RIT2: variants seen among roughly 807,000 people sequenced by gnomAD.
The protein encoded by RIT2 is GTP-binding protein Rit2.
In RIT2, 24 loss-of-function variants were observed where a neutral mutation model predicts 23.7. The ratio of observed to expected loss-of-function variants is 1.01; its 90% CI spans 0.73 to 1.43. RIT2 has a LOEUF of 1.43. RIT2 is among the 40% of genes most tolerant of loss of function. The pLI, the probability that RIT2 is intolerant of heterozygous loss-of-function variation, is 0.00. For synonymous variants in RIT2, 107 were observed against 91.1 expected, an observed-to-expected ratio of 1.17 and a Z score of -0.99; for missense variants, 236 against 266.9, an observed-to-expected ratio of 0.88 and a Z score of 0.81.
intron 3 of RIT2, among the ~76,000 whole-genome samples, chr18:42,944,074 T>A (rs1909667698): frequency 6.6e-6 from 1 of 152,130 alleles, no homozygotes; most frequent in South Asian, 2.1e-4. Flanking sequence ...GTAAGCCACG[T>A]CACGTCCCTT....
At position 43,008,873 on chromosome 18, in the gene RIT2, AT is replaced by A. The variant is rs1911285132; in HGVS notation, c.160+24937del. ...CAATAAATACACAAAAGATTCAGAAATTTTTATTTTCTAGCTATAGCCTCTG... is the reference window on the plus strand; with the variant it reads ...CAATAAATACACAAAAGATTCAGAAATTTTATTTTCTAGCTATAGCCTCTG... On this transcript the variant is annotated intron_variant, in intron 2 of 4. Coordinates refer to ENST00000326695, the MANE Select transcript of RIT2 (RefSeq NM_002930.4). 2.6e-5 allele frequency among the ~76,000 whole-genome samples: 4 copies of A among 151,762 alleles called. No individual in the cohort carries two copies. In the South Asian group the frequency reaches 8.3e-4, roughly 31 times the overall value.
At chr18:42,980,687 C>T (rs1277968700) in intron 2 of RIT2, among the ~76,000 whole-genome samples, 1 of 152,104 alleles carries the variant, frequency 6.6e-6, no homozygotes, top group Non-Finnish European at 1.5e-5. Context: ...TTGCCAAGAA[C>T]AGAAAACCCA....
intron 2 of RIT2, among the ~76,000 whole-genome samples, chr18:43,024,776 TAA>T (rs1442876191): frequency 4.7e-5 from 7 of 149,728 alleles, no homozygotes; most frequent in Non-Finnish European, 1.0e-4. Flanking sequence ...GCAAAGAACA[TAA>T]AAAGACTTTT....
At chr18:43,104,156 A>G (rs1452151648) in intron 1 of RIT2, among the ~76,000 whole-genome samples, 3 of 152,222 alleles carry the variant, frequency 2.0e-5, no homozygotes, top group Admixed American at 2.0e-4. Flanking sequence ...AACCTGGAGG[A>G]CATAACGTTA....
intron 3 of RIT2, among the ~76,000 whole-genome samples, chr18:42,930,620 G>A (rs924420426): frequency 1.3e-5 from 2 of 152,036 alleles, no homozygotes; most frequent in Non-Finnish European, 2.9e-5. Flanking sequence ...TAATGACAGA[G>A]ATCAGCTGAT....
chr18:43,038,605 T>A (rs1912047958), intron 1 of RIT2, among the ~76,000 whole-genome samples: 1 of 152,158 alleles, frequency 6.6e-6, no homozygotes, highest in Admixed American at 6.5e-5. Context: ...ATATCTTCTT[T>A]AAGTTATTTC....
intron 4 of RIT2, among the ~76,000 whole-genome samples, chr18:42,798,191 A>G (rs1206801916): frequency 1.3e-5 from 2 of 152,224 alleles, no homozygotes; most frequent in Non-Finnish European, 2.9e-5. Context: ...TTCAAAATTC[A>G]TCATTAAGTA....
At chr18:42,992,033 G>T (rs973363990) in intron 2 of RIT2, among the ~76,000 whole-genome samples, 1 of 150,768 alleles carries the variant, frequency 6.6e-6, no homozygotes, top group East Asian at 2.0e-4. Flanking sequence ...TTATTTCCAC[G>T]CCTCAACCCC....
intron 4 of RIT2, among the ~76,000 whole-genome samples, chr18:42,844,916 G>A (rs1033646758): frequency 2.0e-4 from 30 of 152,098 alleles, no homozygotes; most frequent in African/African-American, 7.2e-4. Flanking sequence ...CAAGAAATAT[G>A]TGATTATTAA....
chr18:42,945,774 C>T (rs1296930220), intron 3 of RIT2, among the ~76,000 whole-genome samples: 2 of 151,944 alleles, frequency 1.3e-5, no homozygotes, highest in Non-Finnish European at 1.5e-5. Flanking sequence ...CTTTTATTTA[C>T]GAGATGTGCA....
At chr18:42,856,059 A>G (rs1340620367) in intron 4 of RIT2, among the ~76,000 whole-genome samples, 1 of 152,216 alleles carries the variant, frequency 6.6e-6, no homozygotes, top group Non-Finnish European at 1.5e-5. Flanking sequence ...GGCCCATTCG[A>G]AAGTGCCTAG....
chr18:43,049,972 C>CTTTTTTTTTTTTTTTTTT (rs755291383), intron 1 of RIT2, among the ~76,000 whole-genome samples: 2 of 66,014 alleles, frequency 3.0e-5, no homozygotes, highest in African/African-American at 6.5e-5. Flanking sequence ...AAGGGATTTC[C>CTTTTTTTTTTTTTTTTTT]TTTTTTTTTT....
At chr18:42,948,922 C>G (rs961319041) in intron 3 of RIT2, 1 of 396,902 alleles carries the variant, frequency 2.5e-6, no homozygotes, top group South Asian at 1.3e-4. Context: ...TCCTGCCCAC[C>G]TAGGAGCTTA....
intron 4 of RIT2, among the ~76,000 whole-genome samples, chr18:42,913,951 C>T (rs996923850): frequency 6.6e-6 from 1 of 151,824 alleles, no homozygotes; most frequent in Non-Finnish European, 1.5e-5. Context: ...TCATGTTGTA[C>T]CTGATAAATA....
chr18:43,011,945 A>T (rs976890721), intron 2 of RIT2, among the ~76,000 whole-genome samples: 3 of 151,872 alleles, frequency 2.0e-5, no homozygotes, highest in Non-Finnish European at 4.4e-5. Flanking sequence ...AAAAGATTGC[A>T]TAAATTGAAT....
intron 1 of RIT2, among the ~76,000 whole-genome samples, chr18:43,086,757 T>A (rs11664459): frequency 6.6e-6 from 1 of 151,960 alleles, no homozygotes; most frequent in Non-Finnish European, 1.5e-5. Flanking sequence ...ACCTCCTGGA[T>A]GAAAAGATCA....
At position 43,000,873 on chromosome 18, in the gene RIT2, A is replaced by G. The variant is rs1054650114; in HGVS notation, c.161-26726T>C. 8.5e-5 allele frequency among the ~76,000 whole-genome samples: 13 copies of G among 152,156 alleles called. 1 individual carries two copies. The highest frequency in any genetic ancestry group is 7.2e-4 in the Admixed American group (11 of 15,254). On this transcript the variant is annotated intron_variant, in intron 2 of 4. Transcript: ENST00000326695. ...GGTATTTCTTTATAGCAGTGTGAAA[A>G]TGGACTAATACAACTGGAATCCCAA...
chr18:42,775,698 AAAATAAAT>A lies in RIT2; in HGVS notation c.427-31986_427-31979del, dbSNP rs35398594. ...GGCGACAGAGCGAGACTCCATCTCA[AAAATAAAT>A]AAATAAATAAATAAATAAATAAATG... On this transcript the variant is annotated intron_variant, in intron 4 of 4. Coordinates refer to ENST00000326695, the MANE Select transcript of RIT2 (RefSeq NM_002930.4). Among the ~76,000 whole-genome samples the A allele has an allele frequency of 1.0e-4, 15 of 148,078 alleles. No homozygotes were observed. In the South Asian group the frequency reaches 1.8e-3, roughly 17 times the overall value.
chr18:42,789,277 C>A (rs1217170886), intron 4 of RIT2, among the ~76,000 whole-genome samples: 1 of 152,154 alleles, frequency 6.6e-6, no homozygotes, highest in Non-Finnish European at 1.5e-5. Context: ...TGTAGATTCT[C>A]TAAACAGGTC....
Sources: gnomAD v4.1 joint callset for allele counts (sites outside exome capture counted in the v4.1 genomes callset) on GRCh38, gnomAD v4.1.1 for gene constraint, MANE v1.5 for transcripts, NCBI Gene and HGNC (gene_info 2026-07-23, HGNC 2026-07-21) for gene names.